KLHL32: variants seen among roughly 807,000 people sequenced by gnomAD.
KLHL32 encodes the protein kelch-like protein 32.
KLHL32 carries 35 observed loss-of-function variants against 64.8 expected under a neutral mutation model. That is an observed-to-expected ratio of 0.54 (90% CI 0.41 to 0.72). The LOEUF is 0.72. Ranked by LOEUF, KLHL32 falls within the 30% of genes least tolerant of loss-of-function variation. KLHL32 has a pLI of 0.00. For synonymous variants in KLHL32, 259 were observed against 281.0 expected (o/e 0.92, Z 0.78); for missense variants, 589 against 768.5 (o/e 0.77, Z 2.76).
intron 5 of KLHL32, among the ~76,000 whole-genome samples, chr6:97,083,191 A>G (rs531211366): frequency 6.6e-6 from 1 of 152,232 alleles, no homozygotes; most frequent in African/African-American, 2.4e-5. Context: ...GGAGTTCAAG[A>G]CCAGCCTGAC....
intron 3 of KLHL32, chr6:96,999,416 G>A (rs552890367): frequency 5.6e-6 from 2 of 355,256 alleles, no homozygotes; most frequent in Admixed American, 1.3e-4. Flanking sequence ...ACAACAAAGA[G>A]TTAATTTCCG....
chr6:97,091,630 G>A (rs562475366), intron 6 of KLHL32, among the ~76,000 whole-genome samples: 1 of 152,314 alleles, frequency 6.6e-6, no homozygotes, highest in African/African-American at 2.4e-5. Flanking sequence ...GTTGGGGCAC[G>A]TTGAAATGAT....
At chr6:96,932,205 A>ATTTT (rs71012578) in intron 1 of KLHL32, among the ~76,000 whole-genome samples, 1 of 104,484 alleles carries the variant, frequency 9.6e-6, no homozygotes, top group East Asian at 2.2e-4. Context: ...TGACTGGGTT[A>ATTTT]TTTTTTTTTT....
At chr6:96,904,318 G>A in the KLHL32 span, among the ~76,000 whole-genome samples, 32,525 of 142,006 alleles carry the variant, frequency 0.23, 3,747 homozygotes, top group Admixed American at 0.33. Context: ...CTCCAGCCTG[G>A]GCAACAGAGC....
intron 3 of KLHL32, among the ~76,000 whole-genome samples, chr6:97,018,549 C>T (rs561563096): frequency 2.9e-4 from 43 of 149,088 alleles, no homozygotes; most frequent in African/African-American, 9.6e-4. Flanking sequence ...TGCAGCGAGC[C>T]GAGATCACAC....
At position 97,018,461 on chromosome 6, in the gene KLHL32, C is replaced by T. The variant is rs1358148189; in HGVS notation, c.205-23031C>T. On this transcript the variant is annotated intron_variant, in intron 3 of 10. Transcript: ENST00000369261. ...AAAAAAAATTATCTGGGCGTGTTGG[C>T]GCACTCCTGTGATCCCAGCTGCTCA... Among the ~76,000 whole-genome samples the T allele has an allele frequency of 5.3e-5, 8 of 150,888 alleles. No individual in the cohort carries two copies. In the East Asian group the frequency reaches 7.8e-4, roughly 15 times the overall value.
intron 4 of KLHL32, among the ~76,000 whole-genome samples, chr6:97,044,717 A>G (rs1434488538): frequency 6.6e-6 from 1 of 151,674 alleles, no homozygotes; most frequent in Non-Finnish European, 1.5e-5. Context: ...CAGATTTTTT[A>G]TTACTTTTTT....
chr6:97,012,003 C>T (rs1780470809), intron 3 of KLHL32, among the ~76,000 whole-genome samples: 1 of 145,340 alleles, frequency 6.9e-6, no homozygotes, highest in South Asian at 2.1e-4. Context: ...GTTTGCTAAA[C>T]ATTGAATTAA....
chr6:96,937,239 C>G (rs1273210333), intron 1 of KLHL32, among the ~76,000 whole-genome samples: 1 of 152,164 alleles, frequency 6.6e-6, no homozygotes, highest in African/African-American at 2.4e-5. Context: ...TTCGCCACCC[C>G]CTCTCCATCA....
chr6:96,978,615 G>A (rs1009830470), intron 3 of KLHL32, among the ~76,000 whole-genome samples: 3 of 152,284 alleles, frequency 2.0e-5, no homozygotes, highest in African/African-American at 7.2e-5. Flanking sequence ...ACACATGCAG[G>A]TGTCTTTATG....
At chr6:96,947,483 G>A (rs191822835) in intron 1 of KLHL32, among the ~76,000 whole-genome samples, 1 of 152,194 alleles carries the variant, frequency 6.6e-6, no homozygotes, top group East Asian at 1.9e-4. Flanking sequence ...TCCCTCTCAA[G>A]GATTCTCATG....
At chr6:96,919,774 G>T (rs1315874080), upstream of KLHL32, among the ~76,000 whole-genome samples, 2 of 152,062 alleles carry the variant, frequency 1.3e-5, no homozygotes, top group African/African-American at 2.4e-5. Flanking sequence ...AAAAATAAAA[G>T]AGCCACATCA....
chr6:96,941,459 A>G (rs1401172638), intron 1 of KLHL32, among the ~76,000 whole-genome samples: 1 of 152,210 alleles, frequency 6.6e-6, no homozygotes, highest in East Asian at 1.9e-4. Context: ...AATTAGCCAT[A>G]CTTAATCTGA....
chr6:97,130,605 A>G (rs1044106398), intron 8 of KLHL32, 152 bp from the exon 9 acceptor site: 3 of 564,942 alleles, frequency 5.3e-6, no homozygotes, highest in African/African-American at 3.8e-5. Flanking sequence ...TAAGAAGCCC[A>G]TACCTTTCAA....
chr6:97,032,251 G>A (rs1783667607), intron 3 of KLHL32, among the ~76,000 whole-genome samples: 1 of 152,174 alleles, frequency 6.6e-6, no homozygotes, highest in Non-Finnish European at 1.5e-5. Flanking sequence ...TACGTAAACA[G>A]GATAAAATTA....
chr6:97,105,020 G>A (rs942932807), intron 6 of KLHL32, among the ~76,000 whole-genome samples: 1 of 152,156 alleles, frequency 6.6e-6, no homozygotes. Context: ...CGTTAAAGAG[G>A]TGAGCTTCTG....
At chr6:97,016,440 A>G (rs1183223113) in intron 3 of KLHL32, among the ~76,000 whole-genome samples, 1 of 152,256 alleles carries the variant, frequency 6.6e-6, no homozygotes, top group Non-Finnish European at 1.5e-5. Context: ...GTTGGATTTC[A>G]GACTTGCATG....
At chr6:96,992,685 C>T (rs1466537403) in intron 3 of KLHL32, among the ~76,000 whole-genome samples, 2 of 152,242 alleles carry the variant, frequency 1.3e-5, no homozygotes, top group Admixed American at 6.5e-5. Context: ...TTTCTCAACT[C>T]TTCCACCACA....
intron 3 of KLHL32, among the ~76,000 whole-genome samples, chr6:97,023,502 G>A (rs1460882525): frequency 1.3e-5 from 2 of 152,118 alleles, no homozygotes; most frequent in Non-Finnish European, 2.9e-5. Context: ...GGAAACACAA[G>A]GGTCACTGTC....
Sources: allele counts gnomAD v4.1 joint callset (sites outside exome capture counted in the v4.1 genomes callset), GRCh38; gene constraint gnomAD v4.1.1; transcripts MANE v1.5; gene names NCBI Gene and HGNC (gene_info 2026-07-23, HGNC 2026-07-21).